The following APP variants were observed in gnomAD, a reference collection of about 807,000 sequenced individuals.
APP encodes the protein amyloid-beta precursor protein.
APP carries 31 observed loss-of-function variants against 101.4 expected under a neutral mutation model. The ratio of observed to expected loss-of-function variants is 0.31; its 90% CI spans 0.23 to 0.41. The LOEUF (loss-of-function observed/expected upper bound fraction) is 0.41, where lower values mean the gene tolerates loss of function less well. APP is among the 10% of genes least tolerant of loss of function. The pLI is 1.00. For synonymous variants in APP, 366 were observed against 364.4 expected, an observed-to-expected ratio of 1.00 and a Z score of -0.05; for missense variants, 839 against 1,003.7, an observed-to-expected ratio of 0.84 and a Z score of 2.22.
chr21:26,137,741 T>C (rs1444982773), intron 1 of APP, among the ~76,000 whole-genome samples: 1 of 152,060 alleles, frequency 6.6e-6, no homozygotes, highest in African/African-American at 2.4e-5. Context: ...ATAATATAAG[T>C]CAGAGTAAAA....
chr21:26,160,126 C>T (rs900520133), intron 1 of APP, among the ~76,000 whole-genome samples: 5 of 152,172 alleles, frequency 3.3e-5, no homozygotes, highest in African/African-American at 1.2e-4. Flanking sequence ...CATGGCTACT[C>T]TATCATCACC....
intron 1 of APP, among the ~76,000 whole-genome samples, chr21:26,136,202 A>AAAGAAAGAAAGAGAG (rs137962980): frequency 9.9e-6 from 1 of 100,604 alleles, no homozygotes; most frequent in Admixed American, 1.1e-4. Flanking sequence ...AGAAAGAAAG[A>AAAGAAAGAAAGAGAG]AAAGAAAAGA....
intron 1 of APP, among the ~76,000 whole-genome samples, chr21:26,139,018 A>G (rs2062983869): frequency 4.6e-5 from 7 of 152,180 alleles, no homozygotes. Flanking sequence ...ACTTTCGTAT[A>G]TATCAAGTTA....
chr21:26,084,226 C>CTT (rs2061654933), intron 3 of APP, among the ~76,000 whole-genome samples: 3 of 108,496 alleles, frequency 2.8e-5, no homozygotes, highest in Non-Finnish European at 3.7e-5. Context: ...AGAAGGGCTC[C>CTT]ATTTTTTTTT....
At chr21:26,075,119 A>G (rs1034578281) in intron 3 of APP, among the ~76,000 whole-genome samples, 3 of 152,154 alleles carry the variant, frequency 2.0e-5, no homozygotes, top group African/African-American at 7.2e-5. Flanking sequence ...TGTTTGGGCT[A>G]TTCTTTCTTT....
At chr21:25,916,157 A>C (rs943815043) in intron 13 of APP, among the ~76,000 whole-genome samples, 1 of 152,100 alleles carries the variant, frequency 6.6e-6, no homozygotes, top group Non-Finnish European at 1.5e-5. Context: ...ACACACTACC[A>C]TGACCGGATA....
intron 1 of APP, among the ~76,000 whole-genome samples, chr21:26,129,802 A>G (rs549505832): frequency 2.6e-5 from 4 of 152,352 alleles, no homozygotes; most frequent in Non-Finnish European, 4.4e-5. Flanking sequence ...TCCTACACTG[A>G]TTTCACAATA....
In APP at chr21:26,127,863, G is replaced by T. The variant is rs114641883; in HGVS notation, c.58-15717C>A. Reference sequence around the variant, plus strand: ...ATCATATTGTCTCAACTTGTATCTAGCAGGAAGAGGGAAAAGAAAAGAAAA... The same window carrying T: ...ATCATATTGTCTCAACTTGTATCTATCAGGAAGAGGGAAAAGAAAAGAAAA... On this transcript the variant is annotated intron_variant, in intron 1 of 17. Transcript: ENST00000346798. Among the ~76,000 whole-genome samples the T allele has an allele frequency of 2.0e-3, 301 of 152,264 alleles. 2 individuals carry two copies. Among genetic ancestry groups the T allele is most frequent in the African/African-American group, 6.7e-3 (280 of 41,552 alleles).
intron 5 of APP, among the ~76,000 whole-genome samples, chr21:26,038,579 C>T (rs1180321598): frequency 2.6e-5 from 4 of 152,150 alleles, no homozygotes; most frequent in South Asian, 2.1e-4. Context: ...GTCTGGCCAA[C>T]GTGGTGATAC....
chr21:25,942,048 T>C (rs973951438), intron 13 of APP: 3 of 152,192 alleles, frequency 2.0e-5, no homozygotes, highest in Admixed American at 6.5e-5. Flanking sequence ...AGATACAAAA[T>C]AATATAAAAA....
chr21:25,979,335 T>G (rs915390435), intron 9 of APP, among the ~76,000 whole-genome samples: 1 of 152,242 alleles, frequency 6.6e-6, no homozygotes, highest in Non-Finnish European at 1.5e-5. Context: ...TGGATTCTTA[T>G]AAAGCAATTT....
intron 6 of APP, among the ~76,000 whole-genome samples, chr21:26,019,697 C>G (rs1326786265): frequency 0.037 from 7 of 188 alleles, no homozygotes; most frequent in African/African-American, 0.12. Flanking sequence ...TTAAACAGCC[C>G]AGCTTGATGG....
At chr21:25,901,296 T>TAA (rs58481426) in intron 15 of APP, among the ~76,000 whole-genome samples, 10 of 85,364 alleles carry the variant, frequency 1.2e-4, no homozygotes, top group African/African-American at 4.1e-4. Context: ...AATCCTGTTT[T>TAA]AAAAAAAAAA....
At chr21:25,896,589 C>A (rs918323413) in intron 16 of APP, among the ~76,000 whole-genome samples, 1 of 152,194 alleles carries the variant, frequency 6.6e-6, no homozygotes, top group African/African-American at 2.4e-5. Context: ...GGAACCCTAA[C>A]ATAATCCACG....
At chr21:25,937,178 T>G (rs1279795086) in intron 13 of APP, among the ~76,000 whole-genome samples, 1 of 152,196 alleles carries the variant, frequency 6.6e-6, no homozygotes, top group African/African-American at 2.4e-5. Flanking sequence ...CTGGGACATC[T>G]CCAGCTCTGT....
At chr21:26,055,276 C>T (rs2830029) in intron 3 of APP, among the ~76,000 whole-genome samples, 112,470 of 152,006 alleles carry the variant, frequency 0.74, 41,793 homozygotes, top group East Asian at 0.87. Context: ...GAGGAATCTC[C>T]GCCAAGAAAC....
chr21:26,024,168 A>T (rs189314356), intron 5 of APP, among the ~76,000 whole-genome samples: 294 of 152,334 alleles, frequency 1.9e-3, no homozygotes, highest in Non-Finnish European at 3.0e-3. Context: ...GTCCTTGATC[A>T]GATCACAAAA....
At chr21:26,048,051 T>C (rs1306821487) in intron 5 of APP, among the ~76,000 whole-genome samples, 1 of 152,092 alleles carries the variant, frequency 6.6e-6, no homozygotes, top group Non-Finnish European at 1.5e-5. Flanking sequence ...GCACGGTGGC[T>C]CAAGCCTGTA....
intron 3 of APP, among the ~76,000 whole-genome samples, chr21:26,063,271 G>T (rs1407861509): frequency 2.0e-5 from 3 of 152,142 alleles, no homozygotes; most frequent in Non-Finnish European, 4.4e-5. Context: ...AATACAACTA[G>T]TTAGCTATAG....
Sources: allele counts gnomAD v4.1 joint callset (sites outside exome capture counted in the v4.1 genomes callset), GRCh38; gene constraint gnomAD v4.1.1; transcripts MANE v1.5; gene names NCBI Gene and HGNC (gene_info 2026-07-23, HGNC 2026-07-21).